The following CCDC68 variants were observed in gnomAD, a reference collection of about 807,000 sequenced individuals.
The protein encoded by CCDC68 is coiled-coil domain containing 68.
Under a neutral mutation model 47.1 loss-of-function variants are expected in CCDC68, and 45 were observed. The observed-to-expected ratio is 0.96, with a 90% CI of 0.75 to 1.23. CCDC68 has a LOEUF of 1.23. CCDC68 is among the 50% of genes most tolerant of loss of function. The pLI, the probability that CCDC68 is intolerant of heterozygous loss-of-function variation, is 0.00. For synonymous variants in CCDC68, 131 were observed against 129.5 expected, an observed-to-expected ratio of 1.01 and a Z score of -0.08; for missense variants, 353 against 373.6, an observed-to-expected ratio of 0.94 and a Z score of 0.45.
intron 1 of CCDC68, among the ~76,000 whole-genome samples, chr18:54,956,109 C>T (rs1441843691): frequency 6.6e-6 from 1 of 152,094 alleles, no homozygotes; most frequent in Non-Finnish European, 1.5e-5. Context: ...CCTGCCTCAG[C>T]CTCCCGAGTA....
chr18:54,940,561 C>T (rs971258808), intron 4 of CCDC68, among the ~76,000 whole-genome samples: 4 of 152,252 alleles, frequency 2.6e-5, no homozygotes, highest in Non-Finnish European at 4.4e-5. Context: ...GCAGATTGCT[C>T]GACCTTAGGT....
At chr18:54,924,809 A>T (rs936724722) in intron 8 of CCDC68, among the ~76,000 whole-genome samples, 1 of 152,278 alleles carries the variant, frequency 6.6e-6, no homozygotes, top group Non-Finnish European at 1.5e-5. Context: ...CACTCCTCAC[A>T]ATACTCGACA....
Position 54,942,779 on chromosome 18 carries a change from T to C in CCDC68, c.13A>G (p.Thr5Ala). Residue 5 changes from threonine (T) to alanine (A), a missense_variant, in exon 3 of 12, where the codon ACA (threonine) becomes GCA (alanine). Thr to Ala is a moderately conservative substitution (Grantham distance 58). Transcript: ENST00000591504. MTTV[T>A]VTTEIPPRDK... ...CTTGGGGGAATTTCTGTGGTCACTG[T>C]CACTGTTGTCATTGTGAATTCTGGC... 1.2e-6 allele frequency: 2 copies of C among 1,603,268 alleles called. No homozygotes were observed. Among genetic ancestry groups the C allele is most frequent in the African/African-American group, 1.3e-5 (1 of 74,730 alleles).
chr18:54,923,340 G>C (rs1218786626), intron 8 of CCDC68, among the ~76,000 whole-genome samples: 1 of 151,924 alleles, frequency 6.6e-6, no homozygotes, highest in Non-Finnish European at 1.5e-5. Context: ...ATGGCTTTAG[G>C]CACAGAGAAC....
At chr18:54,910,913 G>A (rs911293494) in intron 10 of CCDC68, among the ~76,000 whole-genome samples, 5 of 152,222 alleles carry the variant, frequency 3.3e-5, no homozygotes, top group Admixed American at 6.5e-5. Flanking sequence ...GAGCCTGCAA[G>A]GGCAAGGGGG....
In CCDC68 at chr18:54,942,600, CA is replaced by C; in HGVS notation, c.117+74del. 3.3e-6 allele frequency: 3 copies of C among 911,012 alleles called. 1 individual carries two copies. Among genetic ancestry groups the C allele is most frequent in the Non-Finnish European group, 5.2e-6 (3 of 578,034 alleles). 56.4% of individuals were successfully genotyped at this position (911,012 alleles called of 1,614,324 possible). A position where few individuals can be genotyped will look rare whatever the true frequency, so the allele number is the denominator to read the frequency against. On this transcript the variant is annotated intron_variant, in intron 3 of 11. Coordinates refer to ENST00000591504, the MANE Select transcript of CCDC68 (RefSeq NM_025214.3). Reference sequence around the variant, plus strand: ...TACATATGTTCTATGGAGAGGGAAACAAAATCCTCCAGCCCATATTGGAATT... The same window carrying C: ...TACATATGTTCTATGGAGAGGGAAACAAATCCTCCAGCCCATATTGGAATT...
chr18:54,909,814 G>T (rs988689057), intron 10 of CCDC68, among the ~76,000 whole-genome samples: 1 of 152,244 alleles, frequency 6.6e-6, no homozygotes, highest in African/African-American at 2.4e-5. Context: ...GCTTGGAGAT[G>T]CCAGGAACCG....
chr18:54,950,470 A>AT (rs5825108), intron 1 of CCDC68, among the ~76,000 whole-genome samples: 89,505 of 151,792 alleles, frequency 0.59, 26,582 homozygotes, highest in East Asian at 0.67. Flanking sequence ...TCTGAAAACG[A>AT]GCACAGTATA....
intron 1 of CCDC68, among the ~76,000 whole-genome samples, chr18:54,957,627 A>ACACTCTCT (rs375675674): frequency 1.0e-4 from 15 of 143,856 alleles, no homozygotes; most frequent in African/African-American, 3.9e-4. Flanking sequence ...ACACACACAC[A>ACACTCTCT]CTCTCTCTCT....
rs140882753 is a variant in CCDC68, at chr18:54,936,392, C to T, written c.471+441G>A. On this transcript the variant is annotated intron_variant, in intron 6 of 11. Transcript: ENST00000591504. ...TTTTTTTAAATCCGAAGTATCTATCCTAAGACCAAAACAATTTTGAAAGCA... is the reference window on the plus strand; with the variant it reads ...TTTTTTTAAATCCGAAGTATCTATCTTAAGACCAAAACAATTTTGAAAGCA... Among the ~76,000 whole-genome samples the T allele has an allele frequency of 1.8e-3, 267 of 150,908 alleles. 1 individual carries two copies. In the South Asian group the frequency reaches 0.026, roughly 14 times the overall value.
intron 2 of CCDC68, among the ~76,000 whole-genome samples, 194 bp downstream of exon 2, chr18:54,945,194 C>T (rs11876687): frequency 0.015 from 2,247 of 152,232 alleles, 55 homozygotes; most frequent in African/African-American, 0.051. Flanking sequence ...ACATAGATAA[C>T]TATTGAAACT....
chr18:54,929,841 T>G (rs769906612), intron 7 of CCDC68, among the ~76,000 whole-genome samples: 1 of 152,220 alleles, frequency 6.6e-6, no homozygotes, highest in Non-Finnish European at 1.5e-5. Context: ...GGTTTTAAAC[T>G]CTCTGGGCCT....
intron 6 of CCDC68, among the ~76,000 whole-genome samples, chr18:54,936,236 A>AT (rs1568152079): frequency 1.4e-5 from 2 of 143,350 alleles, no homozygotes; most frequent in East Asian, 2.0e-4. Flanking sequence ...ATATTTTTAA[A>AT]AAATATATAG....
chr18:54,936,353 T>C (rs1451557327), intron 6 of CCDC68, among the ~76,000 whole-genome samples: 1 of 149,306 alleles, frequency 6.7e-6, no homozygotes, highest in Non-Finnish European at 1.5e-5. Flanking sequence ...TATAGATACA[T>C]ATTTTGTTTT....
intron 8 of CCDC68, among the ~76,000 whole-genome samples, chr18:54,926,000 T>C (rs901462560): frequency 1.6e-4 from 24 of 152,188 alleles, no homozygotes; most frequent in Non-Finnish European, 2.1e-4. Context: ...AGGGGTGCCT[T>C]GAGAGAACAC....
chr18:54,959,174 G>A (rs889479670), intron 1 of CCDC68, 162 bp downstream of exon 1: 4 of 152,368 alleles, frequency 2.6e-5, no homozygotes, highest in Middle Eastern at 6.7e-3. Flanking sequence ...GGTTTCCAGG[G>A]AGGATTACCT....
chr18:54,909,831 C>A (rs1159113808), intron 10 of CCDC68, among the ~76,000 whole-genome samples: 1 of 152,226 alleles, frequency 6.6e-6, no homozygotes, highest in Non-Finnish European at 1.5e-5. Flanking sequence ...ACCGCAAGGC[C>A]CCAAAGAGAG....
Position 54,937,951 on chromosome 18 carries a change from T to C in CCDC68, c.345+6A>G. On this transcript the variant is annotated splice_donor_region_variant and intron_variant, in intron 5 of 11. Transcript: ENST00000591504. The stretch of plus-strand genomic sequence containing the variant: ...ACACAAAATTTGAAACTTCTAAAAG[T>C]CATACCTTGATTTTCAATACTTCAT... 6.2e-7 allele frequency: 1 copy of C among 1,608,426 alleles called. No individual in the cohort carries two copies. Among genetic ancestry groups the C allele is most frequent in the South Asian group, 1.1e-5 (1 of 89,636 alleles).
At chr18:54,917,650 C>G (rs2043977883) in intron 10 of CCDC68, among the ~76,000 whole-genome samples, 1 of 152,078 alleles carries the variant, frequency 6.6e-6, no homozygotes, top group African/African-American at 2.4e-5. Context: ...CACAGACACA[C>G]TCACAAAATG....
Sources: gnomAD v4.1 joint callset for allele counts (sites outside exome capture counted in the v4.1 genomes callset) on GRCh38, gnomAD v4.1.1 for gene constraint, MANE v1.5 for transcripts, NCBI Gene and HGNC (gene_info 2026-07-23, HGNC 2026-07-21) for gene names.